RALGPS2: variants seen among roughly 807,000 people sequenced by gnomAD.
The protein encoded by RALGPS2 is Ral GEF with PH domain and SH3 binding motif 2, also known as ras-specific guanine nucleotide-releasing factor RalGPS2.
A neutral mutation model predicts 86.8 loss-of-function variants in RALGPS2; 43 were observed. The ratio of observed to expected loss-of-function variants is 0.50; its 90% CI spans 0.39 to 0.64. The LOEUF is 0.64. RALGPS2 is among the 30% of genes least tolerant of loss of function. The pLI is 0.00. For missense variants in RALGPS2, 536 were observed against 694.6 expected (o/e 0.77, Z 2.57); for synonymous variants, 243 against 231.3 (o/e 1.05, Z -0.46).
At chr1:178,764,908 A>G (rs1373893695) in intron 1 of RALGPS2, among the ~76,000 whole-genome samples, 1 of 152,146 alleles carries the variant, frequency 6.6e-6, no homozygotes, top group East Asian at 1.9e-4. Flanking sequence ...GTTTAGCACC[A>G]TCCTGCTAGT....
At chr1:178,729,921 G>A (rs1327782808) in intron 1 of RALGPS2, among the ~76,000 whole-genome samples, 3 of 151,740 alleles carry the variant, frequency 2.0e-5, no homozygotes, top group Non-Finnish European at 3.0e-5. Context: ...TACTTTTACT[G>A]TTTGTTTTTC....
intron 19 of RALGPS2, among the ~76,000 whole-genome samples, chr1:178,911,749 T>C (rs1660635486): frequency 6.6e-6 from 1 of 152,214 alleles, no homozygotes; most frequent in African/African-American, 2.4e-5. Context: ...ATGTTGAGTT[T>C]AAGTCCAGAA....
At chr1:178,880,351 A>T (rs1032684420) in intron 10 of RALGPS2, among the ~76,000 whole-genome samples, 6 of 152,232 alleles carry the variant, frequency 3.9e-5, no homozygotes, top group Non-Finnish European at 7.3e-5. Flanking sequence ...CTAAAATTTT[A>T]CTGATGTTTG....
intron 4 of RALGPS2, among the ~76,000 whole-genome samples, chr1:178,791,294 T>TC (rs1558121546): frequency 6.6e-6 from 1 of 150,946 alleles, no homozygotes; most frequent in East Asian, 1.9e-4. Context: ...CTAATTTTTT[T>TC]TTTTTTTTTT....
At chr1:178,749,326 A>G (rs1651520509) in intron 1 of RALGPS2, among the ~76,000 whole-genome samples, 1 of 152,168 alleles carries the variant, frequency 6.6e-6, no homozygotes, top group Non-Finnish European at 1.5e-5. Context: ...GTCTTTACTA[A>G]AAATACAAAA....
At chr1:178,802,245 A>C (rs1000939889) in intron 4 of RALGPS2, among the ~76,000 whole-genome samples, 1 of 152,168 alleles carries the variant, frequency 6.6e-6, no homozygotes, top group East Asian at 1.9e-4. Flanking sequence ...GTTATTAGGA[A>C]AAATACATTT....
chr1:178,849,242 T>C (rs559537343), intron 8 of RALGPS2, among the ~76,000 whole-genome samples: 1 of 152,160 alleles, frequency 6.6e-6, no homozygotes, highest in African/African-American at 2.4e-5. Flanking sequence ...CAGTTCTGAC[T>C]TCAGAACCTA....
In RALGPS2 at chr1:178,742,091, G is replaced by A. The variant is rs191205569; in HGVS notation, c.-84+16672G>A. Among the ~76,000 whole-genome samples the A allele has an allele frequency of 4.0e-4, 60 of 148,788 alleles. No individual in the cohort carries two copies. In the East Asian group the frequency reaches 0.011, roughly 27 times the overall value. On this transcript the variant is annotated intron_variant, in intron 1 of 19. Coordinates refer to ENST00000367635, the MANE Select transcript of RALGPS2 (RefSeq NM_152663.5). ...GCAGAGGTGGCAGTGAGCTGAGATC[G>A]TGCCGCTGCACTCCAGCCTGGCAAC...
intron 4 of RALGPS2, among the ~76,000 whole-genome samples, chr1:178,797,753 A>G (rs1654264879): frequency 6.6e-6 from 1 of 152,050 alleles, no homozygotes; most frequent in Non-Finnish European, 1.5e-5. Context: ...GATTTATCTA[A>G]CCACTACCTC....
intron 16 of RALGPS2, among the ~76,000 whole-genome samples, chr1:178,895,690 A>G (rs1659910648): frequency 6.6e-6 from 1 of 152,046 alleles, no homozygotes; most frequent in South Asian, 2.1e-4. Context: ...TAAATTAAAC[A>G]TGATGTATGA....
chr1:178,827,375 A>G (rs556544688), intron 7 of RALGPS2, among the ~76,000 whole-genome samples: 1 of 151,862 alleles, frequency 6.6e-6, no homozygotes, highest in South Asian at 2.1e-4. Context: ...ACAAAGCTAG[A>G]GACATCATAC....
intron 14 of RALGPS2, among the ~76,000 whole-genome samples, chr1:178,891,592 T>C (rs1183689037): frequency 6.6e-6 from 1 of 152,050 alleles, no homozygotes; most frequent in Non-Finnish European, 1.5e-5. Context: ...TATTTTTATG[T>C]GTCTGTTTTT....
chr1:178,857,249 G>C (rs1375124983), intron 8 of RALGPS2, among the ~76,000 whole-genome samples: 1 of 152,158 alleles, frequency 6.6e-6, no homozygotes, highest in Admixed American at 6.5e-5. Context: ...CTTTCAGTAT[G>C]TATCCACAGT....
intron 13 of RALGPS2, among the ~76,000 whole-genome samples, chr1:178,887,865 G>A (rs1318099804): frequency 1.3e-5 from 2 of 152,108 alleles, no homozygotes; most frequent in Admixed American, 1.3e-4. Context: ...GAATAATTTT[G>A]CAAAAGAAAG....
At chr1:178,743,448 T>C (rs544180526) in intron 1 of RALGPS2, among the ~76,000 whole-genome samples, 11 of 152,330 alleles carry the variant, frequency 7.2e-5, no homozygotes, top group Non-Finnish European at 2.9e-5. Context: ...AAAATGATTT[T>C]GATGTAAAAT....
chr1:178,839,146 C>G (rs56262250), intron 8 of RALGPS2, among the ~76,000 whole-genome samples: 6,120 of 152,184 alleles, frequency 0.04, 145 homozygotes, highest in Non-Finnish European at 0.057. Context: ...CATTCAAATT[C>G]AGGAAATACA....
chr1:178,904,042 A>G (rs1357668351), intron 18 of RALGPS2, among the ~76,000 whole-genome samples: 9 of 152,008 alleles, frequency 5.9e-5, no homozygotes, highest in African/African-American at 2.2e-4. Flanking sequence ...TATTATGGCC[A>G]TTCTTGCAGG....
chr1:178,855,176 T>C (rs558866974), intron 8 of RALGPS2, among the ~76,000 whole-genome samples: 21 of 152,184 alleles, frequency 1.4e-4, no homozygotes, highest in Middle Eastern at 3.4e-3. Context: ...TGTACAGTAT[T>C]CCTTTTGGGT....
chr1:178,867,339 C>A (rs1658481642), intron 8 of RALGPS2, among the ~76,000 whole-genome samples: 1 of 152,078 alleles, frequency 6.6e-6, no homozygotes, highest in African/African-American at 2.4e-5. Context: ...CACACAGGTT[C>A]ATAGTGATGG....
Sources: allele counts gnomAD v4.1 joint callset (sites outside exome capture counted in the v4.1 genomes callset), GRCh38; gene constraint gnomAD v4.1.1; transcripts MANE v1.5; gene names NCBI Gene and HGNC (gene_info 2026-07-23, HGNC 2026-07-21).